The following LSG1 variants were observed in gnomAD, a reference collection of about 807,000 sequenced individuals.
LSG1 encodes large subunit GTPase 1 homolog.
A neutral mutation model predicts 82.6 loss-of-function variants in LSG1; 55 were observed. The observed-to-expected ratio is 0.67, with a 90% CI of 0.54 to 0.83. LSG1 has a LOEUF of 0.83. Among genes scored for constraint, LSG1 ranks in the 40% least tolerant of loss-of-function variants. The pLI, the probability that LSG1 is intolerant of heterozygous loss-of-function variation, is 0.00. For synonymous variants in LSG1, 272 were observed against 282.5 expected (o/e 0.96, Z 0.37); for missense variants, 809 against 807.9 (o/e 1.00, Z -0.02).
chr3:194,661,818 A>T (rs1180983955), intron 5 of LSG1, among the ~76,000 whole-genome samples: 1 of 152,212 alleles, frequency 6.6e-6, no homozygotes, highest in African/African-American at 2.4e-5. Flanking sequence ...CTTATTTAAA[A>T]AAAGGAGAAA....
chr3:194,648,991 A>G, intron 10 of LSG1, 187 bp from the exon 11 acceptor site: 2 of 525,940 alleles, frequency 3.8e-6, no homozygotes, highest in East Asian at 3.5e-5. Context: ...ACAAGGCCTT[A>G]AGCTCCCACG....
intron 4 of LSG1, 134 bp from the exon 5 acceptor site, chr3:194,665,777 T>G (rs1719018486): frequency 1.7e-6 from 1 of 575,046 alleles, no homozygotes; most frequent in Admixed American, 3.5e-5. Context: ...TTTTATATAT[T>G]TCCTGCTGAG....
rs781354340 is a variant in LSG1 at position 194,651,011 on chromosome 3, T to A, written c.1289A>T (p.Glu430Val). 1.7e-5 allele frequency: 28 copies of A among 1,613,872 alleles called. No individual in the cohort carries two copies. Among genetic ancestry groups the A allele is most frequent in the Non-Finnish European group, 2.2e-5 (26 of 1,179,962 alleles). ...HTKHFQTLYVEPGLCLCDCPG... is the reference protein window; with the variant it reads ...HTKHFQTLYVVPGLCLCDCPG... Reference sequence around the variant, plus strand: ...ACAGTCACACAGGCAGAGGCCAGGCTCCACATAGAGAGTCTGGAAGACAAG... The same window carrying A: ...ACAGTCACACAGGCAGAGGCCAGGCACCACATAGAGAGTCTGGAAGACAAG... The change falls in exon 10 of 14, where the codon GAG becomes GTG. Residue 430 changes from glutamate to valine, a missense_variant. Coordinates refer to ENST00000265245, the MANE Select transcript of LSG1 (RefSeq NM_018385.3).
chr3:194,668,491 T>C (rs922023837), intron 2 of LSG1, among the ~76,000 whole-genome samples: 2 of 152,214 alleles, frequency 1.3e-5, no homozygotes, highest in African/African-American at 4.8e-5. Flanking sequence ...GTTATTTCAC[T>C]GTGAAACCCA....
intron 2 of LSG1, among the ~76,000 whole-genome samples, chr3:194,668,605 CCTT>C (rs1719079696): frequency 1.3e-5 from 2 of 152,092 alleles, no homozygotes; most frequent in South Asian, 2.1e-4. Context: ...TTATTTTCTC[CCTT>C]CTTCTACTAC....
At chr3:194,657,458 G>GTTTTTTTTTTTTTTT (rs58115258) in intron 7 of LSG1, among the ~76,000 whole-genome samples, 1 of 139,152 alleles carries the variant, frequency 7.2e-6, no homozygotes. Context: ...TGCTTAGTAA[G>GTTTTTTTTTTTTTTT]TTTTTTTTTT....
At position 194,665,509 on chromosome 3, in the gene LSG1, T is replaced by C. The variant is rs375092357; in HGVS notation, c.521+48A>G. On this transcript the variant is annotated intron_variant, in intron 5 of 13. Transcript: ENST00000265245. The stretch of plus-strand genomic sequence containing the variant: ...CCTATATCAACAGCCAAATCGAATA[T>C]AACTTCACTACAATGTCTTTATTAC... 7 of 1,401,632 alleles carry C rather than the reference T, an allele frequency of 5.0e-6. No homozygotes were observed. The African/African-American group carries it at 1.0e-4, about 20-fold the overall frequency. The allele number at this position is 1,401,632 out of a possible 1,614,324, so 86.8% of individuals were successfully genotyped here. A position where few individuals can be genotyped will look rare whatever the true frequency, so the allele number is the denominator to read the frequency against.
chr3:194,670,097 A>G lies in LSG1; in HGVS notation c.138T>C (p.Gly46=). ...TSELNDGYDW[G]RLNLQSVTEQ... ...CAGTCACTGACTGAAGATTAAGACG[A>G]CCCCAATCATAGCCATCATTGAGTT... Residue 46 remains glycine, a synonymous_variant, in exon 2 of 14, where the codon GGT becomes GGC. Transcript: ENST00000265245. 6.2e-7 allele frequency: 1 copy of G among 1,613,682 alleles called. No homozygotes were observed. Among genetic ancestry groups the G allele is most frequent in the Non-Finnish European group, 8.5e-7 (1 of 1,179,906 alleles).
chr3:194,664,204 G>A (rs940584102), intron 5 of LSG1, among the ~76,000 whole-genome samples: 1 of 152,072 alleles, frequency 6.6e-6, no homozygotes, highest in Admixed American at 6.6e-5. Context: ...CCACCTGCCT[G>A]GACCTCCTAA....
intron 13 of LSG1, among the ~76,000 whole-genome samples, chr3:194,643,064 C>G (rs898573119): frequency 6.6e-6 from 1 of 152,198 alleles, no homozygotes; most frequent in African/African-American, 2.4e-5. Flanking sequence ...GCTGATCACC[C>G]CATCCTAACC....
intron 5 of LSG1, among the ~76,000 whole-genome samples, chr3:194,661,927 A>G (rs1485779314): frequency 3.9e-5 from 6 of 152,240 alleles, no homozygotes; most frequent in Non-Finnish European, 8.8e-5. Context: ...TATTAGGGAC[A>G]TAAACAGTGT....
chr3:194,641,002 CAGG>C lies in LSG1; in HGVS notation c.*1063_*1065del, dbSNP rs1457835807. 1.3e-5 allele frequency: 2 copies of C among 152,240 alleles called. No individual in the cohort carries two copies. The highest frequency in any genetic ancestry group is 2.9e-5 in the Non-Finnish European group (2 of 68,116). The allele number at this position is 152,240 out of a possible 1,614,324, so 9.4% of individuals were successfully genotyped here. ...ACCAGATGTGATGAGGACTCAATAT[CAGG>C]AGAACAGCACTGAGCGGGTGGTGCT... On this transcript the variant is annotated 3_prime_UTR_variant, in exon 14 of 14. Transcript: ENST00000265245.
intron 7 of LSG1, among the ~76,000 whole-genome samples, chr3:194,655,899 G>C (rs930477109): frequency 6.6e-5 from 10 of 152,262 alleles, no homozygotes; most frequent in African/African-American, 2.4e-4. Context: ...AAGCAATGGG[G>C]AAAGGATTCC....
intron 2 of LSG1, 92 bp from the exon 3 acceptor site, chr3:194,666,664 G>C: frequency 9.8e-7 from 1 of 1,023,074 alleles, no homozygotes; most frequent in South Asian, 1.7e-5. Flanking sequence ...CTAAAAATGA[G>C]AGCCTAAGAG....
At chr3:194,667,191 C>T (rs1292957198) in intron 2 of LSG1, among the ~76,000 whole-genome samples, 2 of 152,106 alleles carry the variant, frequency 1.3e-5, no homozygotes, top group Non-Finnish European at 2.9e-5. Context: ...GCTGGGACTA[C>T]AGGCCCGCAC....
chr3:194,662,868 G>C (rs1327303245), intron 5 of LSG1, among the ~76,000 whole-genome samples: 2 of 152,156 alleles, frequency 1.3e-5, no homozygotes, highest in Non-Finnish European at 2.9e-5. Context: ...ACTGACCCCT[G>C]CCCAGGCACC....
At chr3:194,642,453 T>C (rs553610691) in intron 13 of LSG1, among the ~76,000 whole-genome samples, 12 of 151,374 alleles carry the variant, frequency 7.9e-5, no homozygotes, top group African/African-American at 2.7e-4. Flanking sequence ...CCTCGTCAAC[T>C]TTGTTTAGTC....
intron 5 of LSG1, among the ~76,000 whole-genome samples, chr3:194,663,446 C>G (rs1166103411): frequency 0.027 from 146 of 5,382 alleles, no homozygotes; most frequent in East Asian, 0.14. Flanking sequence ...GAAAGCCTTT[C>G]CCTTCTTCCG....
chr3:194,651,354 G>T, intron 8 of LSG1, 138 bp from the exon 9 acceptor site: 1 of 645,536 alleles, frequency 1.5e-6, no homozygotes, highest in Non-Finnish European at 2.7e-6. Flanking sequence ...TGCTGTGTTT[G>T]TTGAGACATC....
Sources: gnomAD v4.1 joint callset for allele counts (sites outside exome capture counted in the v4.1 genomes callset) on GRCh38, gnomAD v4.1.1 for gene constraint, MANE v1.5 for transcripts, NCBI Gene and HGNC (gene_info 2026-07-23, HGNC 2026-07-21) for gene names.